Variants in ASAP1 observed in about 807,000 individuals in gnomAD.
ASAP1 encodes the protein ArfGAP with SH3 domain, ankyrin repeat and PH domain 1, also known as arf-GAP with SH3 domain, ANK repeat and PH domain-containing protein 1.
ASAP1 carries 43 observed loss-of-function variants against 145.2 expected under a neutral mutation model. The ratio of observed to expected loss-of-function variants is 0.30; its 90% CI spans 0.23 to 0.38. The LOEUF is 0.38. Among genes scored for constraint, ASAP1 ranks in the 10% least tolerant of loss-of-function variants. ASAP1 has a pLI of 1.00. For synonymous variants in ASAP1, 546 were observed against 515.5 expected, an observed-to-expected ratio of 1.06 and a Z score of -0.80; for missense variants, 1,018 against 1,355.3, an observed-to-expected ratio of 0.75 and a Z score of 3.91.
chr8:130,304,979 C>T (rs1340023), intron 3 of ASAP1, among the ~76,000 whole-genome samples: 1 of 151,938 alleles, frequency 6.6e-6, no homozygotes, highest in African/African-American at 2.4e-5. Flanking sequence ...TTTCCAACCT[C>T]TTCTTCCTCA....
At chr8:130,109,946 T>C (rs2097543987) in intron 24 of ASAP1, among the ~76,000 whole-genome samples, 1 of 152,218 alleles carries the variant, frequency 6.6e-6, no homozygotes, top group Non-Finnish European at 1.5e-5. Flanking sequence ...AGGATTTCTA[T>C]TTTCAATTAT....
At chr8:130,216,104 C>T (rs1311777461) in intron 4 of ASAP1, among the ~76,000 whole-genome samples, 1 of 151,798 alleles carries the variant, frequency 6.6e-6, no homozygotes, top group African/African-American at 2.4e-5. Flanking sequence ...CTATGATTAC[C>T]TGAAAAAGTA....
chr8:130,107,206 G>T (rs1406772208), intron 24 of ASAP1, among the ~76,000 whole-genome samples: 1 of 119,536 alleles, frequency 8.4e-6, no homozygotes, highest in South Asian at 3.0e-4. Flanking sequence ...TTTTTGAGAC[G>T]GAGTCTCACC....
intron 24 of ASAP1, among the ~76,000 whole-genome samples, chr8:130,106,418 G>A (rs1173702356): frequency 6.6e-6 from 1 of 152,178 alleles, no homozygotes; most frequent in East Asian, 1.9e-4. Context: ...GTCATATACT[G>A]AGCAAGTCTT....
chr8:130,116,705 T>A lies in ASAP1; in HGVS notation c.2037A>T (p.Arg679Ser), dbSNP rs1373525186. 1 of 1,614,148 alleles carries A rather than the reference T, an allele frequency of 6.2e-7. No individual in the cohort carries two copies. The highest frequency in any genetic ancestry group is 1.3e-5 in the African/African-American group (1 of 75,042). Residue 679 changes from arginine (R) to serine (S), a missense_variant, in exon 22 of 30, where the codon AGA becomes AGT. Arg to Ser is a moderately radical substitution (Grantham distance 110). Around this residue, in one of 9 missense-constraint regions of ASAP1, gnomAD observed 353 missense variants for 375.4 expected, o/e 0.94. Transcript: ENST00000518721. ...GATCTTCACACTGGGTAGCTTTTAG[T>A]CTCTTTGCTATGTCTAGGGCAGTTT... ...AGETALDIAK[R>S]LKATQCEDLL...
chr8:130,350,924 C>T (rs1175465979), intron 3 of ASAP1, among the ~76,000 whole-genome samples: 1 of 152,212 alleles, frequency 6.6e-6, no homozygotes, highest in African/African-American at 2.4e-5. Context: ...GTTGGGTCAA[C>T]AGTCCCAGAC....
At chr8:130,162,452 C>A (rs1352762323) in intron 11 of ASAP1, among the ~76,000 whole-genome samples, 1 of 152,144 alleles carries the variant, frequency 6.6e-6, no homozygotes, top group Non-Finnish European at 1.5e-5. Flanking sequence ...TTTAATCCAA[C>A]AAAATCACAG....
intron 3 of ASAP1, among the ~76,000 whole-genome samples, chr8:130,291,559 G>T (rs1421856087): frequency 2.6e-5 from 4 of 152,212 alleles, no homozygotes; most frequent in Non-Finnish European, 5.9e-5. Context: ...GTTTCGGTGA[G>T]AAGAGAGATG....
At chr8:130,080,959 C>T (rs932462191) in intron 25 of ASAP1, among the ~76,000 whole-genome samples, 6 of 152,190 alleles carry the variant, frequency 3.9e-5, no homozygotes, top group African/African-American at 1.2e-4. Flanking sequence ...TAAGCATCTA[C>T]TATGTGCAAG....
intron 3 of ASAP1, among the ~76,000 whole-genome samples, chr8:130,266,964 A>G (rs1820283676): frequency 6.6e-6 from 1 of 151,998 alleles, no homozygotes; most frequent in South Asian, 2.1e-4. Context: ...ATAAGTGAGG[A>G]TAAGAGACAT....
rs568967640 is a variant in ASAP1 at position 130,068,761 on chromosome 8, C to A, written c.2701+7587G>T. Among the ~76,000 whole-genome samples the A allele has an allele frequency of 3.9e-5, 6 of 152,264 alleles. No individual in the cohort carries two copies. The South Asian group carries it at 1.2e-3, about 32-fold the overall frequency. Reference sequence around the variant, plus strand: ...CTACCTACAAATGTCAAGTGGGACACCCCAGATGCAGTAGCTGATATGCTC... The same window carrying A: ...CTACCTACAAATGTCAAGTGGGACAACCCAGATGCAGTAGCTGATATGCTC... On this transcript the variant is annotated intron_variant, in intron 27 of 29. Coordinates refer to ENST00000518721, the MANE Select transcript of ASAP1 (RefSeq NM_018482.4).
intron 1 of ASAP1, among the ~76,000 whole-genome samples, chr8:130,435,110 C>T (rs1037483222): frequency 2.6e-5 from 4 of 152,134 alleles, no homozygotes; most frequent in Non-Finnish European, 5.9e-5. Flanking sequence ...CTCATTATCG[C>T]GCTGTAACCT....
chr8:130,227,191 T>C (rs1183230171), intron 4 of ASAP1, among the ~76,000 whole-genome samples: 1 of 152,214 alleles, frequency 6.6e-6, no homozygotes, highest in Non-Finnish European at 1.5e-5. Flanking sequence ...GTTCTTGTTC[T>C]GCTAATGAGG....
intron 2 of ASAP1, chr8:130,361,714 G>T (rs1487866374): frequency 6.5e-7 from 1 of 1,535,798 alleles, no homozygotes; most frequent in East Asian, 2.4e-5. Flanking sequence ...CCATGCCTCA[G>T]TGAAAACCAT....
chr8:130,346,620 G>C (rs1195089803), intron 3 of ASAP1, among the ~76,000 whole-genome samples: 6 of 152,230 alleles, frequency 3.9e-5, no homozygotes, highest in South Asian at 2.1e-4. Flanking sequence ...TCCCGGCATA[G>C]AGTAGGTTCT....
chr8:130,428,451 T>C (rs900155141), intron 1 of ASAP1, among the ~76,000 whole-genome samples: 1 of 9,660 alleles, frequency 1.0e-4, no homozygotes, highest in African/African-American at 4.4e-4. Context: ...ACCACCATCA[T>C]TATCACCATC....
At chr8:130,081,064 T>C (rs1236222131) in intron 25 of ASAP1, among the ~76,000 whole-genome samples, 1 of 152,206 alleles carries the variant, frequency 6.6e-6, no homozygotes, top group South Asian at 2.1e-4. Context: ...ACATAGGAAA[T>C]ACACTAATAA....
At chr8:130,158,681 G>A (rs2097662863) in intron 12 of ASAP1, among the ~76,000 whole-genome samples, 1 of 152,128 alleles carries the variant, frequency 6.6e-6, no homozygotes. Flanking sequence ...GGGTTGAGAT[G>A]CTATATGCAA....
At chr8:130,432,017 T>G (rs1587041933) in intron 1 of ASAP1, among the ~76,000 whole-genome samples, 19 of 55,522 alleles carry the variant, frequency 3.4e-4, no homozygotes, top group Admixed American at 7.6e-4. Flanking sequence ...AAGGGGAAAA[T>G]GGGGAGGAGA....
Sources: gnomAD v4.1 joint callset for allele counts (sites outside exome capture counted in the v4.1 genomes callset) on GRCh38, gnomAD v4.1.1 for gene constraint, gnomAD v4.1.1 regional missense constraint, MANE v1.5 for transcripts, NCBI Gene and HGNC (gene_info 2026-07-23, HGNC 2026-07-21) for gene names.